RBPJ: variants seen among roughly 807,000 people sequenced by gnomAD.
RBPJ encodes recombination signal binding protein for immunoglobulin kappa J region, also known as recombining binding protein suppressor of hairless.
In RBPJ, 9 loss-of-function variants were observed where a neutral mutation model predicts 67.8. That is an observed-to-expected ratio of 0.13 (90% CI 0.08 to 0.23). RBPJ has a LOEUF of 0.23. Ranked by LOEUF, RBPJ falls within the 10% of genes least tolerant of loss-of-function variation. The pLI, the probability that RBPJ is intolerant of heterozygous loss-of-function variation, is 1.00. For synonymous variants in RBPJ, 198 were observed against 203.3 expected, an observed-to-expected ratio of 0.97 and a Z score of 0.22; for missense variants, 305 against 595.6, an observed-to-expected ratio of 0.51 and a Z score of 5.08.
At chr4:26,191,189 A>T (rs1168509896) in intron 1 of RBPJ, among the ~76,000 whole-genome samples, 2 of 19,314 alleles carry the variant, frequency 1.0e-4, no homozygotes, top group African/African-American at 1.7e-4. Context: ...AAATATATAT[A>T]TATATATATA....
intron 2 of RBPJ, among the ~76,000 whole-genome samples, chr4:26,394,033 T>A (rs906859994): frequency 1.3e-5 from 2 of 151,726 alleles, no homozygotes; most frequent in Non-Finnish European, 2.9e-5. Context: ...TTCATTTTTT[T>A]TTTTTTTTTT....
intron 2 of RBPJ, among the ~76,000 whole-genome samples, chr4:26,395,801 A>G (rs62411616): frequency 1.3e-4 from 20 of 152,222 alleles, no homozygotes; most frequent in Non-Finnish European, 2.6e-4. Context: ...ATATTTGTCT[A>G]CTAATTTAGG....
chr4:26,282,924 C>CTTTTTTTTTTTTT (rs67501530), intron 1 of RBPJ, among the ~76,000 whole-genome samples: 1 of 61,644 alleles, frequency 1.6e-5, no homozygotes, highest in Non-Finnish European at 2.7e-5. Context: ...AGTGTAGATT[C>CTTTTTTTTTTTTT]TTTTTTTTTT....
intron 1 of RBPJ, among the ~76,000 whole-genome samples, chr4:26,366,878 C>A (rs1728687524): frequency 6.6e-6 from 1 of 152,056 alleles, no homozygotes; most frequent in African/African-American, 2.4e-5. Flanking sequence ...GTAATCCCAG[C>A]ACTTTGGGAG....
At chr4:26,403,024 A>G (rs547152578) in intron 2 of RBPJ, among the ~76,000 whole-genome samples, 1 of 152,312 alleles carries the variant, frequency 6.6e-6, no homozygotes, top group African/African-American at 2.4e-5. Flanking sequence ...GAGCCTTTTT[A>G]TAAGTTTGTC....
intron 1 of RBPJ, among the ~76,000 whole-genome samples, chr4:26,257,167 C>G (rs1308756324): frequency 6.6e-6 from 1 of 152,158 alleles, no homozygotes; most frequent in Non-Finnish European, 1.5e-5. Context: ...CTATTTAATA[C>G]CCACACTAGT....
the RBPJ span, among the ~76,000 whole-genome samples, chr4:26,157,402 C>T: frequency 8.3e-4 from 126 of 152,232 alleles, 2 homozygotes; most frequent in African/African-American, 2.9e-3. Flanking sequence ...CACTGCACTC[C>T]AACCTGGGTG....
rs71643604 is a variant in RBPJ, at chr4:26,254,843, A to ATTTTTTTTTTT, written c.-167+91256_-167+91266dup. 3.0e-4 allele frequency among the ~76,000 whole-genome samples: 5 copies of ATTTTTTTTTTT among 16,548 alleles called. 1 individual carries two copies. The highest frequency in any genetic ancestry group is 5.4e-4 in the Non-Finnish European group (5 of 9,214). 10.9% of individuals were successfully genotyped at this position (16,548 alleles called of 152,430 possible). A position where few individuals can be genotyped will look rare whatever the true frequency, so the allele number is the denominator to read the frequency against. ...CAGGTGCATGCCACCATGCCCAGCTATTTTTTTTTTTTTTTTTTTTTTTTT... is the reference window on the plus strand; with the variant it reads ...CAGGTGCATGCCACCATGCCCAGCTATTTTTTTTTTTTTTTTTTTTTTTTTTTTTTTTTTTT... On this transcript the variant is annotated intron_variant, in intron 1 of 4. Coordinates refer to the RBPJ transcript ENST00000512351.
At chr4:26,344,106 A>C (rs1247332882) in intron 1 of RBPJ, among the ~76,000 whole-genome samples, 2 of 149,666 alleles carry the variant, frequency 1.3e-5, no homozygotes, top group African/African-American at 4.9e-5. Flanking sequence ...CTGATCTTGA[A>C]CTCCTGGCAT....
rs189831694 is a variant in RBPJ at position 26,424,569 on chromosome 4, T to A, written c.635-62T>A. ...CATGGATATATTAAGTTTTGTCATT[T>A]GCCTAATCATAAAATAAATTTAAAA... On this transcript the variant is annotated intron_variant, in intron 6 of 10. Coordinates refer to ENST00000355476, the MANE Select transcript of RBPJ (RefSeq NM_015874.6). This position sits in a 1 kb window ranked among gnomAD's most constrained non-coding sequence, Gnocchi z 5.3. 48 of 1,559,718 alleles carry A rather than the reference T, an allele frequency of 3.1e-5. No individual in the cohort carries two copies. The African/African-American group carries it at 5.9e-4, about 19-fold the overall frequency.
chr4:26,213,347 A>G (rs2109175206), intron 1 of RBPJ, among the ~76,000 whole-genome samples: 1 of 152,290 alleles, frequency 6.6e-6, no homozygotes, highest in East Asian at 1.9e-4. Flanking sequence ...CTCTGTGTTC[A>G]TTGTTATAAT....
At chr4:26,251,025 C>T (rs1387532514) in intron 1 of RBPJ, among the ~76,000 whole-genome samples, 1 of 152,164 alleles carries the variant, frequency 6.6e-6, no homozygotes, top group African/African-American at 2.4e-5. Context: ...TGTGGATCTA[C>T]AAATTTCCTT....
chr4:26,381,465 T>C (rs1448014676), intron 1 of RBPJ, among the ~76,000 whole-genome samples: 2 of 152,170 alleles, frequency 1.3e-5, no homozygotes, highest in African/African-American at 4.8e-5. Flanking sequence ...GTGTATGAAA[T>C]CAGATTTACC....
At chr4:26,198,463 A>G (rs1717864985) in intron 1 of RBPJ, among the ~76,000 whole-genome samples, 1 of 152,074 alleles carries the variant, frequency 6.6e-6, no homozygotes, top group African/African-American at 2.4e-5. Context: ...GGTAGCACTT[A>G]TTTTATGCTG....
At chr4:26,311,923 C>T (rs987225315) in intron 1 of RBPJ, among the ~76,000 whole-genome samples, 1 of 151,822 alleles carries the variant, frequency 6.6e-6, no homozygotes, top group East Asian at 1.9e-4. Context: ...AGAGCAAGAT[C>T]CTGTCTTAAA....
intron 1 of RBPJ, among the ~76,000 whole-genome samples, chr4:26,374,905 G>C (rs1729548261): frequency 6.6e-6 from 1 of 152,120 alleles, no homozygotes; most frequent in African/African-American, 2.4e-5. Flanking sequence ...TTATAATCTA[G>C]TTAACATTTT....
chr4:26,250,409 G>T (rs1280414368), intron 1 of RBPJ, among the ~76,000 whole-genome samples: 1 of 132,880 alleles, frequency 7.5e-6, no homozygotes, highest in African/African-American at 2.9e-5. Flanking sequence ...TCGGCTTACT[G>T]TAACCTCCTT....
chr4:26,220,884 T>C (rs1304859638), intron 1 of RBPJ, among the ~76,000 whole-genome samples: 1 of 152,172 alleles, frequency 6.6e-6, no homozygotes, highest in African/African-American at 2.4e-5. Flanking sequence ...AGTGGTGAGA[T>C]CACTATGAGG....
chr4:26,293,102 A>C (rs2109289881), intron 1 of RBPJ, among the ~76,000 whole-genome samples: 1 of 150,426 alleles, frequency 6.6e-6, no homozygotes, highest in South Asian at 2.1e-4. Context: ...CTGGAAAGGT[A>C]AGCAGAAGCC....
Sources: gnomAD v4.1 joint callset for allele counts (sites outside exome capture counted in the v4.1 genomes callset) on GRCh38, gnomAD v4.1.1 for gene constraint, Gnocchi (gnomAD v3.1) non-coding constraint, MANE v1.5 for transcripts, NCBI Gene and HGNC (gene_info 2026-07-23, HGNC 2026-07-21) for gene names.